Variants in GABBR2 observed in about 807,000 individuals in gnomAD.
GABBR2 encodes G-protein coupled receptor 51.
Under a neutral mutation model 105.6 loss-of-function variants are expected in GABBR2, and 23 were observed. The observed-to-expected ratio is 0.22, with a 90% CI of 0.16 to 0.31. GABBR2 has a LOEUF of 0.31. Among genes scored for constraint, GABBR2 ranks in the 10% least tolerant of loss-of-function variants. GABBR2 has a pLI of 1.00. For missense variants in GABBR2, 734 were observed against 1,245.5 expected (o/e 0.59, Z 6.18); for synonymous variants, 478 against 499.7 (o/e 0.96, Z 0.58).
chr9:98,531,036 C>T (rs1299627655), intron 3 of GABBR2, among the ~76,000 whole-genome samples: 1 of 152,088 alleles, frequency 6.6e-6, no homozygotes, highest in African/African-American at 2.4e-5. Context: ...TGTGGATGGT[C>T]CTTTTCCCCC....
At chr9:98,309,104 C>T (rs939585203) in intron 14 of GABBR2, among the ~76,000 whole-genome samples, 5 of 152,166 alleles carry the variant, frequency 3.3e-5, no homozygotes, top group Admixed American at 6.5e-5. Flanking sequence ...GGATTTTAGT[C>T]ATAAACCTTA....
intron 1 of GABBR2, among the ~76,000 whole-genome samples, chr9:98,596,310 C>G (rs990985425): frequency 6.6e-6 from 1 of 152,210 alleles, no homozygotes; most frequent in Non-Finnish European, 1.5e-5. Context: ...GAGATGTTAG[C>G]TGTTCCATGT....
chr9:98,338,274 C>A (rs1831151012), intron 13 of GABBR2, among the ~76,000 whole-genome samples: 1 of 152,054 alleles, frequency 6.6e-6, no homozygotes, highest in Non-Finnish European at 1.5e-5. Flanking sequence ...ATATAAATTG[C>A]ACTTTATCAA....
At chr9:98,637,048 C>T (rs994728556) in intron 1 of GABBR2, among the ~76,000 whole-genome samples, 3 of 152,156 alleles carry the variant, frequency 2.0e-5, no homozygotes, top group South Asian at 2.1e-4. Context: ...GGAGGGCCTT[C>T]CTTTCAAGGG....
intron 1 of GABBR2, among the ~76,000 whole-genome samples, chr9:98,659,526 C>CT (rs149511264): frequency 0.32 from 11,251 of 35,008 alleles, 950 homozygotes; most frequent in Middle Eastern, 0.36. Flanking sequence ...CTTTTCTTTT[C>CT]TTTTTTTTTT....
At chr9:98,434,492 G>A (rs543039684) in intron 7 of GABBR2, among the ~76,000 whole-genome samples, 75 of 152,238 alleles carry the variant, frequency 4.9e-4, no homozygotes, top group African/African-American at 1.7e-3. Context: ...GATTTGTAGC[G>A]TTTACCCATT....
intron 5 of GABBR2, among the ~76,000 whole-genome samples, chr9:98,479,520 T>A (rs1826867044): frequency 6.6e-6 from 1 of 152,172 alleles, no homozygotes; most frequent in South Asian, 2.1e-4. Flanking sequence ...TCACAGCCTC[T>A]CCCTTCTCCC....
intron 1 of GABBR2, among the ~76,000 whole-genome samples, chr9:98,663,393 G>A (rs941377868): frequency 4.6e-5 from 7 of 152,148 alleles, no homozygotes; most frequent in Middle Eastern, 3.4e-3. Context: ...GATAGCAATC[G>A]GCATGATAGA....
intron 1 of GABBR2, among the ~76,000 whole-genome samples, chr9:98,640,427 C>G (rs1564138457): frequency 6.6e-6 from 1 of 152,128 alleles, no homozygotes; most frequent in East Asian, 1.9e-4. Flanking sequence ...GGGCAGATTA[C>G]CCTCATCTGG....
At chr9:98,367,008 A>G (rs1831688595) in intron 12 of GABBR2, among the ~76,000 whole-genome samples, 1 of 152,232 alleles carries the variant, frequency 6.6e-6, no homozygotes, top group Admixed American at 6.5e-5. Context: ...AGATTTTACA[A>G]TTGGTCTTTA....
intron 13 of GABBR2, among the ~76,000 whole-genome samples, chr9:98,348,760 C>T (rs1831342546): frequency 1.3e-5 from 2 of 152,168 alleles, no homozygotes; most frequent in African/African-American, 2.4e-5. Flanking sequence ...CTGACTTTTA[C>T]ATCTTGATTT....
chr9:98,521,672 T>C (rs1827868803), intron 3 of GABBR2, among the ~76,000 whole-genome samples: 1 of 152,170 alleles, frequency 6.6e-6, no homozygotes, highest in Non-Finnish European at 1.5e-5. Context: ...AATGGTTTCC[T>C]AATCCCTTGG....
intron 8 of GABBR2, among the ~76,000 whole-genome samples, chr9:98,403,129 A>G (rs1832424292): frequency 6.6e-6 from 1 of 151,782 alleles, no homozygotes; most frequent in East Asian, 1.9e-4. Context: ...CCCCATCTCT[A>G]CTAAAAATAC....
At chr9:98,372,862 G>A (rs986730836) in intron 11 of GABBR2, among the ~76,000 whole-genome samples, 1 of 152,232 alleles carries the variant, frequency 6.6e-6, no homozygotes, top group African/African-American at 2.4e-5. Flanking sequence ...ATCAAGGGAA[G>A]GACAACAGTA....
At chr9:98,661,170 A>AG (rs1830256212) in intron 1 of GABBR2, among the ~76,000 whole-genome samples, 1 of 152,092 alleles carries the variant, frequency 6.6e-6, no homozygotes, top group Non-Finnish European at 1.5e-5. Flanking sequence ...CGCCTCCCAT[A>AG]GTGCTAGGAT....
intron 1 of GABBR2, among the ~76,000 whole-genome samples, chr9:98,580,118 G>A (rs1828980998): frequency 6.6e-6 from 1 of 152,132 alleles, no homozygotes; most frequent in African/African-American, 2.4e-5. Flanking sequence ...TGCTCACCAA[G>A]TGAAGCCCTA....
At chr9:98,635,924 T>G (rs1343100057) in intron 1 of GABBR2, among the ~76,000 whole-genome samples, 1 of 152,090 alleles carries the variant, frequency 6.6e-6, no homozygotes, top group Non-Finnish European at 1.5e-5. Flanking sequence ...ACAACCAGAC[T>G]CTAGCCTTGC....
intron 7 of GABBR2, among the ~76,000 whole-genome samples, chr9:98,415,541 C>T (rs149190289): frequency 6.6e-6 from 1 of 152,196 alleles, no homozygotes; most frequent in African/African-American, 2.4e-5. Context: ...GGGGCAAGCG[C>T]CTTTTCATCT....
chr9:98,464,587 C>A (rs1826506193), intron 6 of GABBR2, among the ~76,000 whole-genome samples: 1 of 152,066 alleles, frequency 6.6e-6, no homozygotes, highest in Non-Finnish European at 1.5e-5. Context: ...TGCCAAGCCG[C>A]CCCGTCTGGG....
Sources: allele counts gnomAD v4.1 joint callset (sites outside exome capture counted in the v4.1 genomes callset), GRCh38; gene constraint gnomAD v4.1.1; transcripts MANE v1.5; gene names NCBI Gene and HGNC (gene_info 2026-07-23, HGNC 2026-07-21).